TGM2: variants seen among roughly 807,000 people sequenced by gnomAD.
TGM2 encodes the protein transglutaminase 2, also known as protein-glutamine gamma-glutamyltransferase 2.
TGM2 carries 53 observed loss-of-function variants against 75.6 expected under a neutral mutation model. That is an observed-to-expected ratio of 0.70 (90% CI 0.56 to 0.88). The LOEUF (loss-of-function observed/expected upper bound fraction) is 0.88, where lower values mean the gene tolerates loss of function less well. TGM2 is among the 40% of genes least tolerant of loss of function. TGM2 has a pLI of 0.00. For synonymous variants in TGM2, 374 were observed against 381.1 expected (o/e 0.98, Z 0.22); for missense variants, 842 against 928.5 (o/e 0.91, Z 1.21).
upstream of TGM2, among the ~76,000 whole-genome samples, chr20:38,168,440 C>T (rs1186076310): frequency 3.3e-5 from 5 of 152,198 alleles, no homozygotes; most frequent in East Asian, 1.9e-4. Flanking sequence ...GCCTCAAGAT[C>T]CCCAGACACT....
At chr20:38,166,141 C>A (rs964138027), upstream of TGM2, among the ~76,000 whole-genome samples, 10 of 152,194 alleles carry the variant, frequency 6.6e-5, no homozygotes, top group African/African-American at 2.4e-4. Flanking sequence ...AACAGACACA[C>A]CCATGTCCCT....
intron 8 of TGM2, among the ~76,000 whole-genome samples, chr20:38,139,898 C>G (rs1302522244): frequency 6.6e-6 from 1 of 152,208 alleles, no homozygotes; most frequent in Non-Finnish European, 1.5e-5. Context: ...GGGCCAGTCA[C>G]TAACTTCTCG....
chr20:38,153,428 G>C (rs2075138786), intron 3 of TGM2, among the ~76,000 whole-genome samples: 1 of 151,370 alleles, frequency 6.6e-6, no homozygotes, highest in Non-Finnish European at 1.5e-5. Context: ...GGGAGGCTGA[G>C]GCATGAGAAT....
At chr20:38,141,471 C>G in intron 7 of TGM2, 86 bp from the exon 8 acceptor site, 1 of 1,032,494 alleles carries the variant, frequency 9.7e-7, no homozygotes, top group South Asian at 1.4e-5. Flanking sequence ...CATTCATGTC[C>G]CCAGATGCAA....
Position 38,158,849 on chromosome 20 carries a change from C to T in TGM2, c.190+2571G>A, listed in dbSNP as rs745931899. ...AGAGTCAGCTGGCCAGGCCTTGAGC[C>T]GGGCGCTGACCCAGGCCAGGCCTGG... On this transcript the variant is annotated intron_variant, in intron 2 of 12. Transcript: ENST00000361475. 1.2e-4 allele frequency among the ~76,000 whole-genome samples: 19 copies of T among 152,282 alleles called. 1 individual carries two copies. Among genetic ancestry groups the T allele is most frequent in the Admixed American group, 1.3e-4 (2 of 15,298 alleles).
chr20:38,148,797 C>T (rs1485991259), intron 4 of TGM2, among the ~76,000 whole-genome samples: 1 of 152,198 alleles, frequency 6.6e-6, no homozygotes, highest in African/African-American at 2.4e-5. Flanking sequence ...CTCTGCAGGG[C>T]TCACACCTCC....
At chr20:38,136,673 T>C (rs891369337) in intron 10 of TGM2, among the ~76,000 whole-genome samples, 10 of 152,132 alleles carry the variant, frequency 6.6e-5, no homozygotes, top group African/African-American at 2.2e-4. Context: ...ATTCTGCAGC[T>C]CCCAGGTCCT....
At chr20:38,135,404 T>TACACACACACACACAC (rs111420640) in intron 10 of TGM2, among the ~76,000 whole-genome samples, 11,420 of 147,196 alleles carry the variant, frequency 0.078, 514 homozygotes, top group South Asian at 0.15. Context: ...CCTAAATGTA[T>TACACACACACACACAC]ACACACACAC....
At chr20:38,153,010 G>A (rs1266767958) in intron 3 of TGM2, among the ~76,000 whole-genome samples, 1 of 129,484 alleles carries the variant, frequency 7.7e-6, no homozygotes, top group Non-Finnish European at 1.6e-5. Context: ...TCTGCAGATT[G>A]ACTAAAATTC....
chr20:38,128,063 A>G lies in TGM2; in HGVS notation c.*2156T>C, dbSNP rs2074784391. ...AAATGTTTGAATTGGTCCATATTCC[A>G]GGACTCTGGGGACCCGAAAAGATAT... is the stretch of plus-strand genomic sequence containing the variant. On this transcript the variant is annotated 3_prime_UTR_variant, in exon 13 of 13. Transcript: ENST00000361475. The G allele has an allele frequency of 6.6e-6, 1 of 152,228 alleles. No individual in the cohort carries two copies. Among genetic ancestry groups the G allele is most frequent in the Non-Finnish European group, 1.5e-5 (1 of 68,044 alleles). 9.4% of individuals were successfully genotyped at this position (152,228 alleles called of 1,614,324 possible). A position where few individuals can be genotyped will look rare whatever the true frequency, so the allele number is the denominator to read the frequency against.
At chr20:38,143,099 T>C (rs958437365) in intron 6 of TGM2, among the ~76,000 whole-genome samples, 12 of 152,174 alleles carry the variant, frequency 7.9e-5, no homozygotes, top group African/African-American at 2.9e-4. Context: ...CACAGGCCTG[T>C]CATTGACTAT....
rs759558832 is a variant in TGM2, at chr20:38,146,892, G to C, written c.684C>G (p.Val228=). Residue 228 remains valine, a splice_region_variant and synonymous_variant, in exon 6 of 13, where the codon GTC becomes GTG. Transcript: ENST00000361475. ...GCACACCCTGGTCATCGTTGCAGTTGACCTGCAACCAGTGGGGCAGCACGG... is the reference window on the plus strand; with the variant it reads ...GCACACCCTGGTCATCGTTGCAGTTCACCTGCAACCAGTGGGGCAGCACGG... ...VYVGRVVSGM[V]NCNDDQGVLL... 3.1e-6 allele frequency: 5 copies of C among 1,612,664 alleles called. No individual in the cohort carries two copies. The highest frequency in any genetic ancestry group is 4.2e-6 in the Non-Finnish European group (5 of 1,179,952).
intron 8 of TGM2, among the ~76,000 whole-genome samples, chr20:38,140,548 A>G (rs2074959401): frequency 6.6e-6 from 1 of 152,176 alleles, no homozygotes; most frequent in African/African-American, 2.4e-5. Flanking sequence ...GGAAATGACC[A>G]TAGCAGCCTG....
At chr20:38,161,233 T>A (rs1407269361) in intron 2 of TGM2, among the ~76,000 whole-genome samples, 187 bp downstream of exon 2, 2 of 152,212 alleles carry the variant, frequency 1.3e-5, no homozygotes, top group African/African-American at 4.8e-5. Context: ...TGCCATGACA[T>A]CTCCTTCCTT....
chr20:38,165,432 C>A, upstream of TGM2: 3 of 600,762 alleles, frequency 5.0e-6, no homozygotes, highest in South Asian at 4.1e-5. Context: ...GAGGGAGGGA[C>A]GGCGGCCGGA....
At position 38,148,101 on chromosome 20, in the gene TGM2, G is replaced by T; in HGVS notation, c.553-12C>A. 1 of 1,614,042 alleles carries T rather than the reference G, an allele frequency of 6.2e-7. No homozygotes were observed. The highest frequency in any genetic ancestry group is 1.1e-5 in the South Asian group (1 of 91,050). On this transcript the variant is annotated splice_polypyrimidine_tract_variant and intron_variant, in intron 4 of 12. Transcript: ENST00000361475. Reference sequence around the variant, plus strand: ...ATCCCATCTTCAAACTGTGTCAGAGGAAACAAGAGGAGAAAGAGGGAGCTG... The same window carrying T: ...ATCCCATCTTCAAACTGTGTCAGAGTAAACAAGAGGAGAAAGAGGGAGCTG...
At chr20:38,162,863 C>T (rs1273812249) in intron 1 of TGM2, among the ~76,000 whole-genome samples, 1 of 152,172 alleles carries the variant, frequency 6.6e-6, no homozygotes, top group Non-Finnish European at 1.5e-5. Context: ...ACAATTCTGT[C>T]TATTTTTGTG....
Position 38,132,477 on chromosome 20 carries a change from G to T in TGM2, c.1639C>A (p.Leu547Ile). 2 of 1,614,168 alleles carry T rather than the reference G, an allele frequency of 1.2e-6. No individual in the cohort carries two copies. The highest frequency in any genetic ancestry group is 3.3e-4 in the Middle Eastern group (2 of 6,062). ...AGGCAGTCACGGTATTTCTCATAGA[G>T]GATGCAAAGAGGAACGCTCTTCTCT... ...FSEKSVPLCI[L>I]YEKYRDCLTE... The change falls in exon 11 of 13, where the codon CTC (leucine) becomes ATC (isoleucine). Residue 547 changes from leucine to isoleucine, a missense_variant. By Grantham distance (5) the Leu-to-Ile change is conservative. Coordinates refer to ENST00000361475, the MANE Select transcript of TGM2 (RefSeq NM_004613.4).
chr20:38,142,015 A>G, intron 7 of TGM2, 49 bp downstream of exon 7: 1 of 1,611,818 alleles, frequency 6.2e-7, no homozygotes, highest in Non-Finnish European at 8.5e-7. Flanking sequence ...TTTCCTCTCC[A>G]TGGGGCCCTC....
Sources: allele counts gnomAD v4.1 joint callset (sites outside exome capture counted in the v4.1 genomes callset), GRCh38; gene constraint gnomAD v4.1.1; transcripts MANE v1.5; gene names NCBI Gene and HGNC (gene_info 2026-07-23, HGNC 2026-07-21).